The following KIRREL3 variants were observed in gnomAD, a reference collection of about 807,000 sequenced individuals.
KIRREL3 encodes kin of IRRE-like protein 3.
In KIRREL3, 36 loss-of-function variants were observed where a neutral mutation model predicts 89.7. The ratio of observed to expected loss-of-function variants is 0.40; its 90% CI spans 0.31 to 0.53. KIRREL3 has a LOEUF of 0.53. Ranked by LOEUF, KIRREL3 falls within the 20% of genes least tolerant of loss-of-function variation. The pLI is 0.49. For missense variants in KIRREL3, 864 were observed against 1,056.6 expected (o/e 0.82, Z 2.53); for synonymous variants, 445 against 441.4 (o/e 1.01, Z -0.10).
chr11:126,929,016 G>A (rs565935099), intron 1 of KIRREL3, among the ~76,000 whole-genome samples: 1 of 152,174 alleles, frequency 6.6e-6, no homozygotes, highest in East Asian at 1.9e-4. Context: ...AAAAATCAGA[G>A]ATAGAAAGAC....
At position 126,737,672 on chromosome 11, in the gene KIRREL3, C is replaced by T. The variant is rs183264956; in HGVS notation, c.56-174760G>A. ...CTCGGAATTCTCCAGTAGAGGGGGGCATTTTTAGACACAGTGAGCTAGAGG... is the reference window on the plus strand; with the variant it reads ...CTCGGAATTCTCCAGTAGAGGGGGGTATTTTTAGACACAGTGAGCTAGAGG... On this transcript the variant is annotated intron_variant, in intron 1 of 16. Transcript: ENST00000525144. 8.3e-3 allele frequency among the ~76,000 whole-genome samples: 1,266 copies of T among 152,232 alleles called. 22 individuals carry two copies. The highest frequency in any genetic ancestry group is 0.031 in the Middle Eastern group (9 of 294).
chr11:126,483,393 G>A (rs1430221583), intron 4 of KIRREL3, among the ~76,000 whole-genome samples: 3 of 152,136 alleles, frequency 2.0e-5, no homozygotes, highest in African/African-American at 7.2e-5. Context: ...TTTGTTACAC[G>A]GGTGTCAGCT....
At chr11:126,507,942 C>T (rs764151873) in intron 4 of KIRREL3, among the ~76,000 whole-genome samples, 6 of 152,122 alleles carry the variant, frequency 3.9e-5, no homozygotes, top group Non-Finnish European at 8.8e-5. Context: ...CCTTAGTTGA[C>T]GCATCTTTAA....
rs948122 is a variant in KIRREL3 at position 126,905,380 on chromosome 11, C to T, written c.55+95075G>A. Reference sequence around the variant, plus strand: ...CTGCCTTCTTTTCTCATTTACACAACGCTATCCTGGGGTAAAGAGCCCTAA... The same window carrying T: ...CTGCCTTCTTTTCTCATTTACACAATGCTATCCTGGGGTAAAGAGCCCTAA... On this transcript the variant is annotated intron_variant, in intron 1 of 16. Coordinates refer to ENST00000525144, the MANE Select transcript of KIRREL3 (RefSeq NM_032531.4). The surrounding 1 kb of genome is among the most constrained non-coding windows in gnomAD (Gnocchi z 5.0). Among the ~76,000 whole-genome samples, 69,392 of 151,906 alleles carry T rather than the reference C, an allele frequency of 0.46. 16,117 individuals carry two copies. Among genetic ancestry groups the T allele is most frequent in the African/African-American group, 0.52 (21,627 of 41,400 alleles).
rs887827917 is a variant in KIRREL3 at position 126,513,441 on chromosome 11, G to A, written c.433+7874C>T. On this transcript the variant is annotated intron_variant, in intron 4 of 16. Transcript: ENST00000525144. This position sits in a 1 kb window ranked among gnomAD's most constrained non-coding sequence, Gnocchi z 5.9. ...ATCAGGTCTTCTCCTTCTTGGAGAG[G>A]CTCCTGCCTGCCCTTCTCCACACTC... 1.3e-5 allele frequency among the ~76,000 whole-genome samples: 2 copies of A among 152,174 alleles called. No individual in the cohort carries two copies. Among genetic ancestry groups the A allele is most frequent in the Non-Finnish European group, 2.9e-5 (2 of 68,034 alleles).
At chr11:126,444,262 C>T (rs1056660549) in intron 10 of KIRREL3, among the ~76,000 whole-genome samples, 26 of 152,168 alleles carry the variant, frequency 1.7e-4, no homozygotes, top group African/African-American at 5.1e-4. Flanking sequence ...CTCGTGGAGA[C>T]GGTGACAGGG....
chr11:126,571,327 C>T lies in KIRREL3; in HGVS notation c.56-8415G>A, dbSNP rs1565560583. On this transcript the variant is annotated intron_variant, in intron 1 of 16. Transcript: ENST00000525144. This position sits in a 1 kb window ranked among gnomAD's most constrained non-coding sequence, Gnocchi z 7.7. The stretch of plus-strand genomic sequence containing the variant: ...CATCAGCTTTCTCTGGGGCACTTGG[C>T]CATCAACATGGGACCCAAGGTTGGC... 6.6e-6 allele frequency among the ~76,000 whole-genome samples: 1 copy of T among 152,168 alleles called. No homozygotes were observed. Among genetic ancestry groups the T allele is most frequent in the East Asian group, 1.9e-4 (1 of 5,192 alleles).
rs2134398242 is a variant in KIRREL3, at chr11:126,802,656, G to A, written c.55+197799C>T. On this transcript the variant is annotated intron_variant, in intron 1 of 16. Coordinates refer to ENST00000525144, the MANE Select transcript of KIRREL3 (RefSeq NM_032531.4). The surrounding 1 kb of genome is among the most constrained non-coding windows in gnomAD (Gnocchi z 5.2). ...GGGGCTGGCTCCCGCCTGGCACCCT[G>A]AGCTGCTGGGACAGGCTCTGGGCAC... Among the ~76,000 whole-genome samples the A allele has an allele frequency of 6.6e-6, 1 of 152,298 alleles. No homozygotes were observed. The highest frequency in any genetic ancestry group is 1.9e-4 in the East Asian group (1 of 5,166).
At chr11:126,832,815 C>T (rs868026560) in intron 1 of KIRREL3, among the ~76,000 whole-genome samples, 11 of 152,246 alleles carry the variant, frequency 7.2e-5, no homozygotes, top group Middle Eastern at 3.4e-3. Context: ...TCTTGTGCTT[C>T]GATTCTTCAA....
At position 126,953,518 on chromosome 11, in the gene KIRREL3, AT is replaced by A. The variant is rs1175576796; in HGVS notation, c.55+46936del. Among the ~76,000 whole-genome samples the A allele has an allele frequency of 2.0e-5, 3 of 152,186 alleles. No homozygotes were observed. The highest frequency in any genetic ancestry group is 2.9e-5 in the Non-Finnish European group (2 of 68,038). On this transcript the variant is annotated intron_variant, in intron 1 of 16. Transcript: ENST00000525144. The surrounding 1 kb of genome is among the most constrained non-coding windows in gnomAD (Gnocchi z 5.2). Reference sequence around the variant, plus strand: ...TAACTAGAGTTTTGTTCATCTTTTCATAATAAACGTGCTGATAGTTCCAAAG... The same window carrying A: ...TAACTAGAGTTTTGTTCATCTTTTCAAATAAACGTGCTGATAGTTCCAAAG...
At chr11:126,577,701 G>A (rs1941330873) in intron 1 of KIRREL3, among the ~76,000 whole-genome samples, 1 of 151,652 alleles carries the variant, frequency 6.6e-6, no homozygotes, top group African/African-American at 2.4e-5. Context: ...AGCGGAGGTT[G>A]CAGTGAGCTG....
chr11:126,720,300 A>G (rs61106203), intron 1 of KIRREL3, among the ~76,000 whole-genome samples: 12,187 of 152,090 alleles, frequency 0.08, 775 homozygotes, highest in African/African-American at 0.18. Context: ...ACCTGGTGAG[A>G]CTCTGCAGTC....
rs796279403 is a variant in KIRREL3 at position 126,996,879 on chromosome 11, A to G, written c.55+3576T>C. 3.3e-4 allele frequency among the ~76,000 whole-genome samples: 50 copies of G among 152,320 alleles called. No individual in the cohort carries two copies. Among genetic ancestry groups the G allele is most frequent in the African/African-American group, 1.2e-3 (50 of 41,582 alleles). ...CAGCAGAATTAGAACCTTCACAACC[A>G]CAGAATCACAAGGCAGGACAGGACG... is the stretch of plus-strand genomic sequence containing the variant. On this transcript the variant is annotated intron_variant, in intron 1 of 16. Coordinates refer to ENST00000525144, the MANE Select transcript of KIRREL3 (RefSeq NM_032531.4). This position sits in a 1 kb window ranked among gnomAD's most constrained non-coding sequence, Gnocchi z 4.7.
rs563793037 is a variant in KIRREL3 at position 126,532,073 on chromosome 11, G to A, written c.134-5386C>T. Among the ~76,000 whole-genome samples the A allele has an allele frequency of 1.3e-4, 20 of 152,326 alleles. 1 individual carries two copies. In the East Asian group the frequency reaches 3.9e-3, roughly 29 times the overall value. The stretch of plus-strand genomic sequence containing the variant: ...GGAGAAAAAAATAACTGCTGTTCAT[G>A]GAAGATTTACTTGATGCCACATCTT... On this transcript the variant is annotated intron_variant, in intron 2 of 16. Transcript: ENST00000525144.
In KIRREL3 at chr11:126,685,930, G is replaced by T. The variant is rs763715801; in HGVS notation, c.56-123018C>A. Among the ~76,000 whole-genome samples the T allele has an allele frequency of 1.3e-5, 2 of 152,250 alleles. No homozygotes were observed. Among genetic ancestry groups the T allele is most frequent in the Non-Finnish European group, 1.5e-5 (1 of 68,042 alleles). On this transcript the variant is annotated intron_variant, in intron 1 of 16. Transcript: ENST00000525144. This position sits in a 1 kb window ranked among gnomAD's most constrained non-coding sequence, Gnocchi z 5.5. ...CCTGTGCCTGCTCAATGCTGAATCT[G>T]CTTCCCATGTGCACAGCTTACTCCT... is the stretch of plus-strand genomic sequence containing the variant.
intron 1 of KIRREL3, among the ~76,000 whole-genome samples, chr11:126,600,314 T>C (rs963202726): frequency 6.6e-6 from 1 of 152,250 alleles, no homozygotes; most frequent in Non-Finnish European, 1.5e-5. Context: ...TACATCTTGA[T>C]TGCAGCCTTG....
intron 11 of KIRREL3, among the ~76,000 whole-genome samples, chr11:126,438,114 T>C (rs759474585): frequency 9.8e-5 from 15 of 152,386 alleles, no homozygotes; most frequent in Non-Finnish European, 2.1e-4. Flanking sequence ...CCTGTTGGCC[T>C]GCGCACTGCG....
Position 126,808,575 on chromosome 11 carries a change from AT to A in KIRREL3, c.55+191879del, listed in dbSNP as rs1401365688. On this transcript the variant is annotated intron_variant, in intron 1 of 16. Coordinates refer to ENST00000525144, the MANE Select transcript of KIRREL3 (RefSeq NM_032531.4). This position sits in a 1 kb window ranked among gnomAD's most constrained non-coding sequence, Gnocchi z 4.1. ...TTTATGTCCTTAGCCTTATAAATCAATTTTAATTGTAACAACAGAAACATCA... is the reference window on the plus strand; with the variant it reads ...TTTATGTCCTTAGCCTTATAAATCAATTTAATTGTAACAACAGAAACATCA... Among the ~76,000 whole-genome samples, 2 of 152,204 alleles carry A rather than the reference AT, an allele frequency of 1.3e-5. No individual in the cohort carries two copies. The highest frequency in any genetic ancestry group is 2.9e-5 in the Non-Finnish European group (2 of 68,028).
chr11:126,865,309 T>A (rs1480727733), intron 1 of KIRREL3, among the ~76,000 whole-genome samples: 1 of 152,268 alleles, frequency 6.6e-6, no homozygotes, highest in African/African-American at 2.4e-5. Context: ...CTAAGAAGGC[T>A]CTCAGTCTAT....
Sources: gnomAD v4.1 joint callset for allele counts (sites outside exome capture counted in the v4.1 genomes callset) on GRCh38, gnomAD v4.1.1 for gene constraint, Gnocchi (gnomAD v3.1) non-coding constraint, MANE v1.5 for transcripts, NCBI Gene and HGNC (gene_info 2026-07-23, HGNC 2026-07-21) for gene names.